KIAA1328: variants seen among roughly 807,000 people sequenced by gnomAD.
The protein encoded by KIAA1328 is KIAA1328, also known as protein hinderin.
Under a neutral mutation model 68.1 loss-of-function variants are expected in KIAA1328, and 52 were observed. That is an observed-to-expected ratio of 0.76 (90% CI 0.61 to 0.96). The LOEUF (loss-of-function observed/expected upper bound fraction) is 0.96, where lower values mean the gene tolerates loss of function less well. KIAA1328 is among the 40% of genes least tolerant of loss of function. KIAA1328 has a pLI of 0.00. For synonymous variants in KIAA1328, 232 were observed against 239.4 expected (o/e 0.97, Z 0.28); for missense variants, 641 against 677.6 (o/e 0.95, Z 0.60).
chr18:37,099,228 T>C (rs1435435477), intron 7 of KIAA1328, among the ~76,000 whole-genome samples: 2 of 152,164 alleles, frequency 1.3e-5, no homozygotes, highest in African/African-American at 4.8e-5. Flanking sequence ...ATAAATTTCC[T>C]TCTACACACT....
At chr18:37,111,182 G>T (rs535040046) in intron 7 of KIAA1328, among the ~76,000 whole-genome samples, 2 of 152,270 alleles carry the variant, frequency 1.3e-5, no homozygotes, top group South Asian at 4.1e-4. Flanking sequence ...GTCCATGCTG[G>T]CTAGGCATGT....
intron 6 of KIAA1328, among the ~76,000 whole-genome samples, chr18:37,035,870 A>G (rs1224884998): frequency 1.3e-5 from 2 of 152,142 alleles, no homozygotes; most frequent in African/African-American, 4.8e-5. Context: ...TATCAATACA[A>G]CTTCTTCTGA....
chr18:37,026,596 T>C (rs189369328), intron 6 of KIAA1328, among the ~76,000 whole-genome samples: 1 of 152,178 alleles, frequency 6.6e-6, no homozygotes, highest in East Asian at 1.9e-4. Context: ...TGTAATCCAT[T>C]GTATAAATAG....
At chr18:36,944,127 AG>A (rs2050808205) in intron 5 of KIAA1328, among the ~76,000 whole-genome samples, 1 of 152,252 alleles carries the variant, frequency 6.6e-6, no homozygotes, top group Admixed American at 6.5e-5. Flanking sequence ...TAAACTATAT[AG>A]TACCAAATAT....
intron 7 of KIAA1328, among the ~76,000 whole-genome samples, chr18:37,126,027 CAG>C (rs1376111120): frequency 3.9e-5 from 6 of 152,186 alleles, no homozygotes; most frequent in African/African-American, 1.4e-4. Flanking sequence ...ATTTCAGAGT[CAG>C]AAATGATAGT....
At chr18:37,066,832 C>T (rs1272697235) in intron 6 of KIAA1328, 58 bp from the exon 7 acceptor site, 20 of 1,432,088 alleles carry the variant, frequency 1.4e-5, no homozygotes, top group Middle Eastern at 3.6e-4. Flanking sequence ...AAAAACCAAA[C>T]GAAAGAACTT....
intron 9 of KIAA1328, among the ~76,000 whole-genome samples, chr18:37,191,618 AAC>A (rs1335128432): frequency 2.0e-5 from 3 of 152,148 alleles, no homozygotes; most frequent in African/African-American, 7.2e-5. Flanking sequence ...TTTTCCAGGA[AAC>A]ACACTGTATA....
intron 7 of KIAA1328, among the ~76,000 whole-genome samples, chr18:37,135,498 T>C (rs1454869931): frequency 2.0e-5 from 3 of 152,152 alleles, no homozygotes; most frequent in African/African-American, 7.2e-5. Context: ...GTCTGTCTTC[T>C]TTTCAGTTCC....
At chr18:37,180,842 T>C (rs1231355895) in intron 9 of KIAA1328, among the ~76,000 whole-genome samples, 2 of 152,154 alleles carry the variant, frequency 1.3e-5, no homozygotes, top group African/African-American at 2.4e-5. Context: ...TGCGTGTATA[T>C]AATAGAGCAT....
chr18:36,989,788 G>T (rs1187338149), intron 6 of KIAA1328, among the ~76,000 whole-genome samples: 3 of 151,984 alleles, frequency 2.0e-5, no homozygotes, highest in Non-Finnish European at 4.4e-5. Context: ...TCCGCCCCCC[G>T]GGTTCATGCC....
At chr18:37,164,650 G>T (rs375001677) in intron 8 of KIAA1328, among the ~76,000 whole-genome samples, 2 of 152,284 alleles carry the variant, frequency 1.3e-5, no homozygotes, top group Admixed American at 6.5e-5. Context: ...GGAGGCTGAC[G>T]CAGAAGAATT....
chr18:37,024,649 T>C (rs1599004952), intron 6 of KIAA1328, among the ~76,000 whole-genome samples: 6 of 151,970 alleles, frequency 3.9e-5, no homozygotes, highest in Admixed American at 3.9e-4. Flanking sequence ...GTCCTTGCGA[T>C]AGTTTGCTGA....
chr18:36,945,733 A>G (rs1789846799), intron 5 of KIAA1328, among the ~76,000 whole-genome samples: 1 of 152,182 alleles, frequency 6.6e-6, no homozygotes, highest in South Asian at 2.1e-4. Flanking sequence ...ATGATACTGT[A>G]AACTTATGCT....
intron 7 of KIAA1328, among the ~76,000 whole-genome samples, chr18:37,155,051 A>G (rs751362999): frequency 6.6e-6 from 1 of 152,190 alleles, no homozygotes; most frequent in African/African-American, 2.4e-5. Context: ...GAGCCCTGCT[A>G]CAAATGGATG....
chr18:37,201,528 G>T lies in KIAA1328; in HGVS notation c.1524-20489G>T, dbSNP rs117361275. On this transcript the variant is annotated intron_variant, in intron 9 of 9. Coordinates refer to ENST00000280020, the MANE Select transcript of KIAA1328 (RefSeq NM_020776.3). ...CCAAAGAGAAGTCATAGTAAGGCCA[G>T]CTTATTTGCAAAATAAGTTTTAGTC... Among the ~76,000 whole-genome samples the T allele has an allele frequency of 2.6e-3, 402 of 152,242 alleles. 2 individuals carry two copies. Among genetic ancestry groups the T allele is most frequent in the Non-Finnish European group, 3.4e-3 (231 of 68,018 alleles).
chr18:37,101,194 A>G (rs1244263824), intron 7 of KIAA1328, among the ~76,000 whole-genome samples: 4 of 152,240 alleles, frequency 2.6e-5, no homozygotes, highest in Admixed American at 2.6e-4. Flanking sequence ...TGAGAGAAGA[A>G]GGCTTCAGAC....
intron 5 of KIAA1328, among the ~76,000 whole-genome samples, chr18:36,948,261 G>GTTTTTTTTTTTT (rs1167822236): frequency 9.5e-5 from 11 of 115,748 alleles, no homozygotes; most frequent in African/African-American, 1.3e-4. Flanking sequence ...TTTGTCTTTT[G>GTTTTTTTTTTTT]TTTTTTTTTT....
intron 7 of KIAA1328, among the ~76,000 whole-genome samples, chr18:37,076,983 A>G (rs1389188282): frequency 5.3e-5 from 8 of 152,194 alleles, no homozygotes; most frequent in African/African-American, 1.9e-4. Flanking sequence ...AACTCATTTT[A>G]TGAGGCCAGC....
chr18:37,097,153 C>G (rs1037624582), intron 7 of KIAA1328, among the ~76,000 whole-genome samples: 1 of 152,128 alleles, frequency 6.6e-6, no homozygotes, highest in African/African-American at 2.4e-5. Flanking sequence ...CTTGCCCATG[C>G]CTATGTCCTG....
Sources: allele counts gnomAD v4.1 joint callset (sites outside exome capture counted in the v4.1 genomes callset), GRCh38; gene constraint gnomAD v4.1.1; transcripts MANE v1.5; gene names NCBI Gene and HGNC (gene_info 2026-07-23, HGNC 2026-07-21).